TAF3: variants seen among roughly 807,000 people sequenced by gnomAD.
TAF3 encodes transcription initiation factor TFIID subunit 3.
Under a neutral mutation model 80.6 loss-of-function variants are expected in TAF3, and 7 were observed. The ratio of observed to expected loss-of-function variants is 0.09; its 90% CI spans 0.05 to 0.16. TAF3 has a LOEUF of 0.16. TAF3 is among the 10% of genes least tolerant of loss of function. The probability of loss-of-function intolerance (pLI) is 1.00; values close to 1 mark genes in which losing one functional copy is unlikely to be tolerated. For synonymous variants in TAF3, 444 were observed against 446.1 expected, an observed-to-expected ratio of 1.00 and a Z score of 0.06; for missense variants, 921 against 1,140.2, an observed-to-expected ratio of 0.81 and a Z score of 2.77.
chr10:7,881,231 C>A (rs1490224033), intron 2 of TAF3, among the ~76,000 whole-genome samples: 4 of 150,682 alleles, frequency 2.7e-5, no homozygotes, highest in Non-Finnish European at 4.4e-5. Context: ...CAGAATGAGA[C>A]CCTGTCTCAA....
intron 2 of TAF3, among the ~76,000 whole-genome samples, chr10:7,839,925 C>A (rs1260797738): frequency 6.6e-6 from 1 of 152,178 alleles, no homozygotes; most frequent in Non-Finnish European, 1.5e-5. Context: ...CCAGCATACA[C>A]AGATTGAGAG....
At chr10:7,850,293 G>A (rs1386007871) in intron 2 of TAF3, among the ~76,000 whole-genome samples, 4 of 152,118 alleles carry the variant, frequency 2.6e-5, no homozygotes, top group African/African-American at 4.8e-5. Context: ...TTTATACTGC[G>A]ACGGATAGGA....
intron 2 of TAF3, among the ~76,000 whole-genome samples, chr10:7,884,135 G>A (rs1837386229): frequency 6.6e-6 from 1 of 152,118 alleles, no homozygotes; most frequent in African/African-American, 2.4e-5. Flanking sequence ...CTGGGGACTG[G>A]GTTTCGACAT....
At chr10:7,907,620 A>G (rs1242178552) in intron 2 of TAF3, among the ~76,000 whole-genome samples, 1 of 152,234 alleles carries the variant, frequency 6.6e-6, no homozygotes, top group African/African-American at 2.4e-5. Flanking sequence ...CTGACTTGGT[A>G]TGAAATGGCT....
chr10:7,918,424 G>T (rs1402495303), intron 2 of TAF3, among the ~76,000 whole-genome samples: 1 of 152,138 alleles, frequency 6.6e-6, no homozygotes, highest in Non-Finnish European at 1.5e-5. Context: ...GACCAGGATT[G>T]GGACTGGGCC....
intron 4 of TAF3, among the ~76,000 whole-genome samples, chr10:7,986,957 C>A (rs1346395496): frequency 1.3e-5 from 2 of 152,044 alleles, no homozygotes; most frequent in Non-Finnish European, 2.9e-5. Flanking sequence ...CAGAAGTTTC[C>A]CCCACATCTC....
At chr10:7,885,749 T>C (rs1460628636) in intron 2 of TAF3, among the ~76,000 whole-genome samples, 1 of 152,204 alleles carries the variant, frequency 6.6e-6, no homozygotes, top group African/African-American at 2.4e-5. Flanking sequence ...CACACACATG[T>C]TCTCTCCTGT....
intron 2 of TAF3, among the ~76,000 whole-genome samples, chr10:7,931,081 A>C (rs1167170923): frequency 6.6e-6 from 1 of 152,232 alleles, no homozygotes; most frequent in Non-Finnish European, 1.5e-5. Flanking sequence ...AATAATAGTA[A>C]CATTGCCTGG....
At chr10:7,871,511 T>G (rs964317797) in intron 2 of TAF3, among the ~76,000 whole-genome samples, 2 of 144,762 alleles carry the variant, frequency 1.4e-5, no homozygotes, top group Admixed American at 1.5e-4. Flanking sequence ...TGGTGTGATC[T>G]CTGCTCATTG....
chr10:7,910,140 C>G (rs946573171), intron 2 of TAF3, among the ~76,000 whole-genome samples: 1 of 152,132 alleles, frequency 6.6e-6, no homozygotes, highest in African/African-American at 2.4e-5. Context: ...CAAGGATGCA[C>G]AGCCTGTAGG....
chr10:7,924,901 G>T (rs994422418), intron 2 of TAF3, among the ~76,000 whole-genome samples: 2 of 152,136 alleles, frequency 1.3e-5, no homozygotes, highest in African/African-American at 4.8e-5. Flanking sequence ...AGAAAGTATA[G>T]ATGGCTAAGG....
intron 4 of TAF3, among the ~76,000 whole-genome samples, chr10:8,008,243 C>T (rs1357722254): frequency 6.6e-6 from 1 of 151,916 alleles, no homozygotes; most frequent in Non-Finnish European, 1.5e-5. Flanking sequence ...ATTACAGGTG[C>T]ACGCCACTGC....
At chr10:7,843,731 A>G (rs1188587437) in intron 2 of TAF3, among the ~76,000 whole-genome samples, 4 of 151,614 alleles carry the variant, frequency 2.6e-5, no homozygotes. Flanking sequence ...TCACACATAC[A>G]ATTAACATGC....
chr10:7,989,163 T>A (rs1263618789), intron 4 of TAF3, among the ~76,000 whole-genome samples: 1 of 152,164 alleles, frequency 6.6e-6, no homozygotes, highest in Non-Finnish European at 1.5e-5. Context: ...GTGGGCCAGC[T>A]GAGATCACGT....
rs1832031978 is a variant in TAF3 at position 8,009,433 on chromosome 10, A to G, written c.2568+103A>G. Reference sequence around the variant, plus strand: ...AATTTCAGACGCATTTCTCTTCAAAATTTTATTATTTACTTAATTATTTTT... The same window carrying G: ...AATTTCAGACGCATTTCTCTTCAAAGTTTTATTATTTACTTAATTATTTTT... On this transcript the variant is annotated intron_variant, in intron 5 of 6. Transcript: ENST00000344293. The surrounding 1 kb of genome is among the most constrained non-coding windows in gnomAD (Gnocchi z 4.1). 1.4e-6 allele frequency: 2 copies of G among 1,389,114 alleles called. No individual in the cohort carries two copies. Among genetic ancestry groups the G allele is most frequent in the African/African-American group, 3.1e-5 (2 of 64,060 alleles). The allele number at this position is 1,389,114 out of a possible 1,614,324, so 86.0% of individuals were successfully genotyped here. A position where few individuals can be genotyped will look rare whatever the true frequency, so the allele number is the denominator to read the frequency against.
At chr10:7,899,712 T>G (rs1837540461) in intron 2 of TAF3, among the ~76,000 whole-genome samples, 1 of 152,236 alleles carries the variant, frequency 6.6e-6, no homozygotes, top group Non-Finnish European at 1.5e-5. Flanking sequence ...AAATGATTTA[T>G]GTATATGATA....
chr10:7,949,030 C>CGCT (rs1838056327), intron 2 of TAF3, among the ~76,000 whole-genome samples: 1 of 152,202 alleles, frequency 6.6e-6, no homozygotes, highest in African/African-American at 2.4e-5. Flanking sequence ...CTGCTGCCGC[C>CGCT]GCTGCTGACA....
At chr10:7,896,132 C>A (rs964803282) in intron 2 of TAF3, among the ~76,000 whole-genome samples, 1 of 152,104 alleles carries the variant, frequency 6.6e-6, no homozygotes. Flanking sequence ...TTTACCAAGC[C>A]CTGAAATGAA....
intron 2 of TAF3, among the ~76,000 whole-genome samples, chr10:7,933,220 A>G (rs958053721): frequency 3.3e-5 from 5 of 152,242 alleles, no homozygotes; most frequent in African/African-American, 4.8e-5. Flanking sequence ...TAGGAATGCA[A>G]ACGCTATGGC....
Sources: gnomAD v4.1 joint callset for allele counts (sites outside exome capture counted in the v4.1 genomes callset) on GRCh38, gnomAD v4.1.1 for gene constraint, Gnocchi (gnomAD v3.1) non-coding constraint, MANE v1.5 for transcripts, NCBI Gene and HGNC (gene_info 2026-07-23, HGNC 2026-07-21) for gene names.